ZNF587B: variants seen among roughly 807,000 people sequenced by gnomAD.
ZNF587B encodes the protein zinc finger protein 587B.
Under a neutral mutation model 7.2 loss-of-function variants are expected in ZNF587B, and 6 were observed. The ratio of observed to expected loss-of-function variants is 0.83; its 90% CI spans 0.46 to 1.65. The LOEUF (loss-of-function observed/expected upper bound fraction) is 1.65, where lower values mean the gene tolerates loss of function less well. Ranked by LOEUF, ZNF587B falls within the 40% of genes most tolerant of loss-of-function variation. ZNF587B has a pLI of 0.01. For synonymous variants in ZNF587B, 274 were observed against 254.3 expected (o/e 1.08, Z -0.74); for missense variants, 749 against 761.0 (o/e 0.98, Z 0.19).
rs1260176089 is a variant in ZNF587B at position 57,844,928 on chromosome 19, T to TA, written c.*2353dup. 6.6e-6 allele frequency: 1 copy of TA among 152,196 alleles called. No homozygotes were observed. The highest frequency in any genetic ancestry group is 2.4e-5 in the African/African-American group (1 of 41,446). The allele number at this position is 152,196 out of a possible 1,614,324, so 9.4% of individuals were successfully genotyped here. Reference sequence around the variant, plus strand: ...AATTATAATTTTATGGTTACTTAGTTACTGCATTTATAGTCAGCAGAGGGG... The same window carrying TA: ...AATTATAATTTTATGGTTACTTAGTTAACTGCATTTATAGTCAGCAGAGGGG... On this transcript the variant is annotated 3_prime_UTR_variant, in exon 3 of 3. Coordinates refer to ENST00000594901, the MANE Select transcript of ZNF587B (RefSeq NM_001376223.1).
At position 57,841,341 on chromosome 19, in the gene ZNF587B, T is replaced by G; in HGVS notation, c.667T>G (p.Phe223Val). 1 of 1,606,260 alleles carries G rather than the reference T, an allele frequency of 6.2e-7. No individual in the cohort carries two copies. Among genetic ancestry groups the G allele is most frequent in the African/African-American group, 1.3e-5 (1 of 74,904 alleles). Reference sequence around the variant, plus strand: ...TAGCCATGGAGATTCCATGAAACATTTTAGCACCAAACATATACTCAGTCA... The same window carrying G: ...TAGCCATGGAGATTCCATGAAACATGTTAGCACCAAACATATACTCAGTCA... ...HYSHGDSMKH[F>V]STKHILSQHQ... The change falls in exon 3 of 3, where the codon TTT (phenylalanine) becomes GTT (valine). Residue 223 changes from phenylalanine to valine, a missense_variant. By Grantham distance (50) the Phe-to-Val change is conservative (BLOSUM62 -1). Transcript: ENST00000594901.
chr19:57,830,738 G>T (rs568351987), intron 1 of ZNF587B, among the ~76,000 whole-genome samples, 174 bp downstream of exon 1: 1 of 99,128 alleles, frequency 1.0e-5, no homozygotes, highest in Non-Finnish European at 2.0e-5. Flanking sequence ...ATCTTTTATA[G>T]TCACTGTACC....
At chr19:57,840,534 C>T (rs1408452125) in intron 2 of ZNF587B, among the ~76,000 whole-genome samples, 1 of 152,210 alleles carries the variant, frequency 6.6e-6, no homozygotes, top group Non-Finnish European at 1.5e-5. Context: ...CTCTACAGCA[C>T]TCACATGTCA....
chr19:57,838,744 C>T (rs1988727765), intron 1 of ZNF587B, among the ~76,000 whole-genome samples: 1 of 152,210 alleles, frequency 6.6e-6, no homozygotes, highest in African/African-American at 2.4e-5. Flanking sequence ...GGTATCTCTG[C>T]TGTGCTGAAG....
In ZNF587B at chr19:57,842,648, A is replaced by T; in HGVS notation, c.*72A>T. 7.4e-7 allele frequency: 1 copy of T among 1,345,892 alleles called. No individual in the cohort carries two copies. The highest frequency in any genetic ancestry group is 9.5e-7 in the Non-Finnish European group (1 of 1,051,754). The allele number at this position is 1,345,892 out of a possible 1,614,324, so 83.4% of individuals were successfully genotyped here. ...CTGAGTAAGATCTTGTGATTGCAGC[A>T]AATGTGGAAAATGTTTACCCAAAAG... On this transcript the variant is annotated 3_prime_UTR_variant, in exon 3 of 3. Coordinates refer to ENST00000594901, the MANE Select transcript of ZNF587B (RefSeq NM_001376223.1).
intron 1 of ZNF587B, among the ~76,000 whole-genome samples, chr19:57,835,724 G>T (rs1988575407): frequency 7.1e-6 from 1 of 140,936 alleles, no homozygotes; most frequent in Non-Finnish European, 1.5e-5. Flanking sequence ...AGATGAGCAA[G>T]TTGGGAGTAG....
intron 1 of ZNF587B, among the ~76,000 whole-genome samples, chr19:57,831,076 C>G (rs527543424): frequency 6.6e-6 from 1 of 152,278 alleles, no homozygotes; most frequent in East Asian, 1.9e-4. Flanking sequence ...AGACGAATTC[C>G]TGGGAACTGC....
intron 1 of ZNF587B, among the ~76,000 whole-genome samples, chr19:57,836,865 A>C (rs1988628511): frequency 6.7e-6 from 1 of 150,190 alleles, no homozygotes; most frequent in African/African-American, 2.4e-5. Context: ...TGAGGAGCTG[A>C]GGCAAGAGAA....
At position 57,846,232 on chromosome 19, in the gene ZNF587B, C is replaced by T. The variant is rs1989048967; in HGVS notation, c.*3656C>T. 6.6e-6 allele frequency: 1 copy of T among 152,058 alleles called. No individual in the cohort carries two copies. Among genetic ancestry groups the T allele is most frequent in the Non-Finnish European group, 1.5e-5 (1 of 68,030 alleles). 9.4% of individuals were successfully genotyped at this position (152,058 alleles called of 1,614,324 possible). A position where few individuals can be genotyped will look rare whatever the true frequency, so the allele number is the denominator to read the frequency against. The stretch of plus-strand genomic sequence containing the variant: ...TGACTGATGTAATAAAGTGTTTCCT[C>T]TTATAATCCCTGGGTGCTCTCCTGC... On this transcript the variant is annotated 3_prime_UTR_variant, in exon 3 of 3. Transcript: ENST00000594901.
Position 57,841,370 on chromosome 19 carries a change from C to A in ZNF587B, c.696C>A (p.His232Gln). 6.3e-7 allele frequency: 1 copy of A among 1,592,672 alleles called. No homozygotes were observed. Among genetic ancestry groups the A allele is most frequent in the South Asian group, 1.1e-5 (1 of 88,988 alleles). ...HFSTKHILSQ[H>Q]QRLLPREECY... ...GCACCAAACATATACTCAGTCAGCA[C>A]CAGAGACTTCTCCCTCGAGAAGAAT... The change falls in exon 3 of 3, where the codon CAC becomes CAA. Residue 232 changes from histidine to glutamine, a missense_variant. By Grantham distance (24) the His-to-Gln change is conservative (BLOSUM62 0). Around this residue, in one of 3 missense-constraint regions of ZNF587B, gnomAD observed 656 missense variants for 596.5 expected, o/e 1.10. Transcript: ENST00000594901.
intron 1 of ZNF587B, among the ~76,000 whole-genome samples, chr19:57,832,058 G>C (rs1988428047): frequency 1.3e-5 from 2 of 151,642 alleles, no homozygotes; most frequent in Admixed American, 6.6e-5. Flanking sequence ...CTTTATAGCA[G>C]AGTGCCCTGT....
At chr19:57,832,382 G>A (rs1034164134) in intron 1 of ZNF587B, among the ~76,000 whole-genome samples, 1 of 152,254 alleles carries the variant, frequency 6.6e-6, no homozygotes, top group African/African-American at 2.4e-5. Context: ...ACTGTGCCCG[G>A]CCAATTCTAT....
At position 57,840,867 on chromosome 19, in the gene ZNF587B, G is replaced by A. The variant is rs767216005; in HGVS notation, c.193G>A (p.Ala65Thr). 29 of 1,541,256 alleles carry A rather than the reference G, an allele frequency of 1.9e-5. No individual in the cohort carries two copies. Among genetic ancestry groups the A allele is most frequent in the Non-Finnish European group, 2.4e-5 (28 of 1,147,596 alleles). ...TTGGTGTGGAGTGGAAGATGAGGCG[G>A]CACCTTCTAAGCAGAGTATTTATAT... is the stretch of plus-strand genomic sequence containing the variant. ...GCWCGVEDEA[A>T]PSKQSIYIQR... is the part of the protein sequence containing the mutation. The change falls in exon 3 of 3, where the codon GCA (alanine) becomes ACA (threonine). Residue 65 changes from alanine (A) to threonine (T), a missense_variant. Ala to Thr is a moderately conservative substitution (Grantham distance 58). Transcript: ENST00000594901.
At position 57,830,338 on chromosome 19, in the gene ZNF587B, GC is replaced by G. The variant is rs1177445317; in HGVS notation, c.-190del. 3 of 568,108 alleles carry G rather than the reference GC, an allele frequency of 5.3e-6. No individual in the cohort carries two copies. The highest frequency in any genetic ancestry group is 9.3e-6 in the Non-Finnish European group (3 of 323,002). The allele number at this position is 568,108 out of a possible 1,614,324, so 35.2% of individuals were successfully genotyped here. On this transcript the variant is annotated 5_prime_UTR_variant, in exon 1 of 3. Coordinates refer to ENST00000594901, the MANE Select transcript of ZNF587B (RefSeq NM_001376223.1). ...TTATTTGTCGGAGAGGCTCCTGAGCGCTAGGTCGGCACTGCGGTGACTGAAC... is the reference window on the plus strand; with the variant it reads ...TTATTTGTCGGAGAGGCTCCTGAGCGTAGGTCGGCACTGCGGTGACTGAAC...
rs1424752596 is a variant in ZNF587B at position 57,841,729 on chromosome 19, G to A, written c.1055G>A (p.Arg352Lys). The A allele has an allele frequency of 4.4e-6, 7 of 1,608,002 alleles. No homozygotes were observed. Among genetic ancestry groups the A allele is most frequent in the Middle Eastern group, 3.3e-4 (2 of 6,082 alleles). Residue 352 changes from arginine (R) to lysine (K), a missense_variant, in exon 3 of 3, where the codon AGA becomes AAA. This residue lies in a region of ZNF587B where 656 missense variants were observed against 596.5 expected (regional missense o/e 1.10). Coordinates refer to ENST00000594901, the MANE Select transcript of ZNF587B (RefSeq NM_001376223.1). ...KSHQRIHTGE[R>K]PYKCGECEKS... is the part of the protein sequence containing the mutation. The stretch of plus-strand genomic sequence containing the variant: ...CATCAGCGCATTCACACTGGAGAGA[G>A]ACCTTACAAGTGTGGAGAATGTGAG...
At chr19:57,835,652 G>A (rs1432815439) in intron 1 of ZNF587B, among the ~76,000 whole-genome samples, 1 of 142,942 alleles carries the variant, frequency 7.0e-6, no homozygotes, top group African/African-American at 2.7e-5. Context: ...TCGAGCCACC[G>A]TGCCTGGCAA....
chr19:57,840,852 G>T lies in ZNF587B; in HGVS notation c.178G>T (p.Val60Leu), dbSNP rs1389712020. 6.5e-7 allele frequency: 1 copy of T among 1,540,556 alleles called. No homozygotes were observed. The highest frequency in any genetic ancestry group is 2.3e-5 in the East Asian group (1 of 44,428). ...CTTGCTTTCAGGTTGTTGGTGTGGAGTGGAAGATGAGGCGGCACCTTCTAA... is the reference window on the plus strand; with the variant it reads ...CTTGCTTTCAGGTTGTTGGTGTGGATTGGAAGATGAGGCGGCACCTTCTAA... ...LMSSLGCWCG[V>L]EDEAAPSKQS... The change falls in exon 3 of 3, where the codon GTG becomes TTG. Residue 60 changes from valine (V) to leucine (L), a missense_variant. By Grantham distance (32) the Val-to-Leu change is conservative. Transcript: ENST00000594901.
At chr19:57,836,654 C>T (rs1885012670) in intron 1 of ZNF587B, among the ~76,000 whole-genome samples, 1 of 152,110 alleles carries the variant, frequency 6.6e-6, no homozygotes, top group Non-Finnish European at 1.5e-5. Flanking sequence ...CCATGACTGG[C>T]CACTTCACTC....
At position 57,846,227 on chromosome 19, in the gene ZNF587B, T is replaced by G. The variant is rs1989048549; in HGVS notation, c.*3651T>G. The G allele has an allele frequency of 6.6e-6, 1 of 152,178 alleles. No homozygotes were observed. Among genetic ancestry groups the G allele is most frequent in the Admixed American group, 6.5e-5 (1 of 15,272 alleles). 9.4% of individuals were successfully genotyped at this position (152,178 alleles called of 1,614,324 possible). On this transcript the variant is annotated 3_prime_UTR_variant, in exon 3 of 3. Transcript: ENST00000594901. The stretch of plus-strand genomic sequence containing the variant: ...TTTTCTGACTGATGTAATAAAGTGT[T>G]TCCTCTTATAATCCCTGGGTGCTCT...
Sources: allele counts gnomAD v4.1 joint callset (sites outside exome capture counted in the v4.1 genomes callset), GRCh38; gene constraint gnomAD v4.1.1; regional missense constraint gnomAD v4.1.1; transcripts MANE v1.5; gene names NCBI Gene and HGNC (gene_info 2026-07-23, HGNC 2026-07-21).